The following PRKG1 variants were observed in gnomAD, a reference collection of about 807,000 sequenced individuals.
PRKG1 encodes cGMP-dependent protein kinase 1.
A neutral mutation model predicts 88.1 loss-of-function variants in PRKG1; 35 were observed. The observed-to-expected ratio is 0.40, with a 90% confidence interval of 0.30 to 0.53. The LOEUF is 0.53. Among genes scored for constraint, PRKG1 ranks in the 20% least tolerant of loss-of-function variants. The probability of loss-of-function intolerance (pLI) is 0.59; values close to 1 mark genes in which losing one functional copy is unlikely to be tolerated. For missense variants in PRKG1, 540 were observed against 839.8 expected (o/e 0.64, Z 4.41); for synonymous variants, 303 against 292.5 (o/e 1.04, Z -0.37).
At chr10:51,072,611 C>T (rs1186553659), upstream of PRKG1, among the ~76,000 whole-genome samples, 1 of 151,946 alleles carries the variant, frequency 6.6e-6, no homozygotes, top group East Asian at 1.9e-4. Context: ...TGAGAATGAT[C>T]CATTTTATAT....
At chr10:51,834,382 G>A (rs911794265) in intron 4 of PRKG1, among the ~76,000 whole-genome samples, 1 of 152,068 alleles carries the variant, frequency 6.6e-6, no homozygotes, top group African/African-American at 2.4e-5. Context: ...GCTCACACCT[G>A]TAATCCCAAC....
intron 2 of PRKG1, among the ~76,000 whole-genome samples, chr10:51,400,965 C>T (rs1259041174): frequency 6.6e-6 from 1 of 152,234 alleles, no homozygotes; most frequent in South Asian, 2.1e-4. Flanking sequence ...CTACTACATA[C>T]GATTCTTCTC....
chr10:51,030,210 TC>T (rs1843265750), intron 1 of PRKG1, among the ~76,000 whole-genome samples: 1 of 152,088 alleles, frequency 6.6e-6, no homozygotes, highest in Non-Finnish European at 1.5e-5. Context: ...CTGTTTTTTT[TC>T]ATAATAAGCC....
At chr10:51,506,204 A>G (rs1263499935) in intron 3 of PRKG1, among the ~76,000 whole-genome samples, 3 of 152,206 alleles carry the variant, frequency 2.0e-5, no homozygotes, top group African/African-American at 7.2e-5. Flanking sequence ...TGAAAATCCT[A>G]GAAGAAAACT....
intron 3 of PRKG1, chr10:51,699,669 C>G: frequency 1.7e-6 from 2 of 1,150,128 alleles, no homozygotes; most frequent in Non-Finnish European, 2.5e-6. Flanking sequence ...TTTACTAATT[C>G]GCTTGAATCG....
chr10:51,706,621 T>C (rs1254134572), intron 3 of PRKG1, among the ~76,000 whole-genome samples: 1 of 152,174 alleles, frequency 6.6e-6, no homozygotes, highest in Non-Finnish European at 1.5e-5. Context: ...TAAAAGGATT[T>C]AGATATTCAG....
At chr10:51,582,735 T>C (rs1838072919) in intron 3 of PRKG1, among the ~76,000 whole-genome samples, 1 of 152,132 alleles carries the variant, frequency 6.6e-6, no homozygotes, top group Non-Finnish European at 1.5e-5. Context: ...TCCATGTCTT[T>C]GCTGTTGTGA....
intron 3 of PRKG1, chr10:51,698,607 G>A (rs780784445): frequency 2.5e-6 from 4 of 1,613,902 alleles, no homozygotes; most frequent in South Asian, 2.2e-5. Context: ...GGTCCGCGAG[G>A]TATAGGAGCT....
intron 1 of PRKG1, among the ~76,000 whole-genome samples, chr10:51,098,024 A>T (rs182799480): frequency 1.2e-3 from 178 of 152,222 alleles, no homozygotes; most frequent in African/African-American, 4.2e-3. Flanking sequence ...ACTTGTGTTG[A>T]AGTTCTCACT....
chr10:51,104,561 C>A (rs1430589880), intron 1 of PRKG1, among the ~76,000 whole-genome samples: 4 of 152,112 alleles, frequency 2.6e-5, no homozygotes, highest in Admixed American at 2.6e-4. Context: ...ACTCTGTAGC[C>A]CAGGCTGGAG....
chr10:51,260,870 G>A (rs569044639), intron 2 of PRKG1, among the ~76,000 whole-genome samples: 2 of 152,300 alleles, frequency 1.3e-5, no homozygotes, highest in South Asian at 4.1e-4. Context: ...TATTTAGAAT[G>A]TAGATTTTAG....
At chr10:51,048,591 T>C (rs960371675) in intron 1 of PRKG1, among the ~76,000 whole-genome samples, 2 of 152,188 alleles carry the variant, frequency 1.3e-5, no homozygotes, top group African/African-American at 2.4e-5. Context: ...TTAAGCTTCA[T>C]GTGGATCTTT....
intron 2 of PRKG1, among the ~76,000 whole-genome samples, chr10:51,257,037 T>C (rs1384911247): frequency 6.6e-6 from 1 of 152,088 alleles, no homozygotes; most frequent in East Asian, 1.9e-4. Flanking sequence ...GCGATAAATT[T>C]TGAAGAATTG....
At chr10:51,697,331 G>A (rs73343318) in intron 3 of PRKG1, 2,921 of 193,936 alleles carry the variant, frequency 0.015, 99 homozygotes, top group African/African-American at 0.063. Context: ...CGTTTTAACA[G>A]GTCAACTTTT....
chr10:51,274,542 A>G (rs1368284810), intron 2 of PRKG1, among the ~76,000 whole-genome samples: 1 of 152,172 alleles, frequency 6.6e-6, no homozygotes, highest in African/African-American at 2.4e-5. Context: ...AGTGTTTTAC[A>G]AAGTAGTAAA....
intron 3 of PRKG1, among the ~76,000 whole-genome samples, chr10:51,477,801 A>C (rs901482317): frequency 2.0e-5 from 3 of 152,028 alleles, no homozygotes; most frequent in African/African-American, 7.2e-5. Flanking sequence ...AAGTATAAGA[A>C]AAAAGGGCCA....
chr10:51,585,863 C>T (rs1399766442), intron 3 of PRKG1, among the ~76,000 whole-genome samples: 1 of 152,088 alleles, frequency 6.6e-6, no homozygotes, highest in African/African-American at 2.4e-5. Context: ...CAAATTAACA[C>T]AAGAACAGGA....
At chr10:51,061,225 A>C (rs367670686) in intron 1 of PRKG1, among the ~76,000 whole-genome samples, 13 of 152,288 alleles carry the variant, frequency 8.5e-5, no homozygotes, top group Admixed American at 2.6e-4. Context: ...GGAAGAGCAA[A>C]GGGACCTCTT....
At chr10:52,229,950 C>T (rs953163338) in intron 9 of PRKG1, among the ~76,000 whole-genome samples, 2 of 152,100 alleles carry the variant, frequency 1.3e-5, no homozygotes, top group Non-Finnish European at 2.9e-5. Flanking sequence ...TATATTCCAT[C>T]ATTTTTAGTT....
Sources: gnomAD v4.1 joint callset for allele counts (sites outside exome capture counted in the v4.1 genomes callset) on GRCh38, gnomAD v4.1.1 for gene constraint, MANE v1.5 for transcripts, NCBI Gene and HGNC (gene_info 2026-07-23, HGNC 2026-07-21) for gene names.